Variants in CNTN4 observed in about 807,000 individuals in gnomAD.
CNTN4 encodes the protein contactin-4.
In CNTN4, 77 loss-of-function variants were observed where a neutral mutation model predicts 122.5. That is an observed-to-expected ratio of 0.63 (90% CI 0.52 to 0.76). The LOEUF is 0.76. Among genes scored for constraint, CNTN4 ranks in the 30% least tolerant of loss-of-function variants. The probability of loss-of-function intolerance (pLI) is 0.00; values close to 1 mark genes in which losing one functional copy is unlikely to be tolerated. For missense variants in CNTN4, 1,256 were observed against 1,259.1 expected (o/e 1.00, Z 0.04); for synonymous variants, 512 against 447.0 (o/e 1.15, Z -1.83).
chr3:2,953,545 T>A (rs1453757775), intron 13 of CNTN4, among the ~76,000 whole-genome samples: 3 of 152,050 alleles, frequency 2.0e-5, no homozygotes, highest in South Asian at 4.1e-4. Context: ...GCCTTTTTTG[T>A]ATATGTCCCT....
At chr3:2,334,990 C>T (rs1173267267) in intron 2 of CNTN4, among the ~76,000 whole-genome samples, 2 of 152,128 alleles carry the variant, frequency 1.3e-5, no homozygotes, top group Admixed American at 1.3e-4. Context: ...TCCTTTTTGA[C>T]CTAGACCTTG....
chr3:2,244,121 A>G (rs1325748839), intron 2 of CNTN4, among the ~76,000 whole-genome samples: 1 of 152,114 alleles, frequency 6.6e-6, no homozygotes, highest in African/African-American at 2.4e-5. Context: ...CTGTGCATAC[A>G]TACCTATGAT....
At chr3:2,854,654 T>A (rs1436766304) in intron 7 of CNTN4, among the ~76,000 whole-genome samples, 1 of 152,180 alleles carries the variant, frequency 6.6e-6, no homozygotes, top group Non-Finnish European at 1.5e-5. Context: ...GAATTTTAGA[T>A]CACAAGTTTA....
At chr3:2,836,884 CT>C (rs1343611081) in intron 7 of CNTN4, among the ~76,000 whole-genome samples, 1 of 152,036 alleles carries the variant, frequency 6.6e-6, no homozygotes, top group Non-Finnish European at 1.5e-5. Flanking sequence ...CCTGCATGTT[CT>C]GCACATGTAT....
intron 7 of CNTN4, among the ~76,000 whole-genome samples, chr3:2,862,150 A>G (rs2093677593): frequency 6.6e-6 from 1 of 152,252 alleles, no homozygotes; most frequent in African/African-American, 2.4e-5. Context: ...TAAGAAAGGC[A>G]TCTTTGAAAA....
chr3:2,836,006 A>G (rs1387084150), intron 7 of CNTN4, among the ~76,000 whole-genome samples: 1 of 152,168 alleles, frequency 6.6e-6, no homozygotes, highest in Non-Finnish European at 1.5e-5. Flanking sequence ...AACTAGAGAA[A>G]TACAAATAGG....
In CNTN4 at chr3:2,218,526, A is replaced by G. The variant is rs575152061; in HGVS notation, c.-145+117887A>G. Among the ~76,000 whole-genome samples, 14 of 152,272 alleles carry G rather than the reference A, an allele frequency of 9.2e-5. No individual in the cohort carries two copies. The South Asian group carries it at 2.9e-3, about 32-fold the overall frequency. On this transcript the variant is annotated intron_variant, in intron 2 of 24. Transcript: ENST00000418658. ...ATCCAACCTGGGCAATATAGTGAGA[A>G]TCCATATATTAAAAAATAAAAAAAA... is the stretch of plus-strand genomic sequence containing the variant.
At chr3:2,993,477 T>C (rs1025116515) in intron 14 of CNTN4, among the ~76,000 whole-genome samples, 6 of 151,606 alleles carry the variant, frequency 4.0e-5, no homozygotes, top group Admixed American at 3.9e-4. Context: ...TTTGTATTTT[T>C]TAGTAGAGAC....
intron 2 of CNTN4, among the ~76,000 whole-genome samples, chr3:2,170,297 GC>G (rs1353534637): frequency 2.0e-5 from 3 of 152,016 alleles, no homozygotes; most frequent in Admixed American, 1.3e-4. Flanking sequence ...TCCAGCCTGG[GC>G]GACACACCAA....
intron 3 of CNTN4, among the ~76,000 whole-genome samples, chr3:2,410,130 A>G (rs569960945): frequency 6.6e-6 from 1 of 152,234 alleles, no homozygotes; most frequent in South Asian, 2.1e-4. Context: ...ACATTTAATC[A>G]TTTTTCTTTA....
intron 3 of CNTN4, among the ~76,000 whole-genome samples, chr3:2,438,374 T>A (rs918181040): frequency 6.6e-6 from 1 of 152,028 alleles, no homozygotes; most frequent in African/African-American, 2.4e-5. Flanking sequence ...ATACAAAAAT[T>A]AGCCAGGCAT....
intron 3 of CNTN4, among the ~76,000 whole-genome samples, chr3:2,534,753 A>T (rs1156877616): frequency 1.4e-5 from 2 of 147,304 alleles, no homozygotes; most frequent in African/African-American, 5.0e-5. Flanking sequence ...CTGTCACCTT[A>T]GAAGTGGTCG....
At chr3:3,017,584 T>C (rs939302795) in intron 14 of CNTN4, among the ~76,000 whole-genome samples, 4 of 152,150 alleles carry the variant, frequency 2.6e-5, no homozygotes, top group Admixed American at 2.6e-4. Context: ...TAAAGGACAT[T>C]TACCTGTGGC....
intron 3 of CNTN4, among the ~76,000 whole-genome samples, chr3:2,366,250 T>A (rs965723853): frequency 2.0e-5 from 3 of 152,206 alleles, no homozygotes; most frequent in Non-Finnish European, 4.4e-5. Context: ...TTTCACGTTT[T>A]AATTAACTGA....
intron 3 of CNTN4, among the ~76,000 whole-genome samples, chr3:2,410,062 T>C (rs992859441): frequency 4.6e-5 from 7 of 152,228 alleles, no homozygotes; most frequent in African/African-American, 1.4e-4. Context: ...GCAGTTTCAT[T>C]TACCGATATT....
rs542526582 is a variant in CNTN4 at position 2,368,323 on chromosome 3, A to C, written c.-89+29090A>C. Among the ~76,000 whole-genome samples the C allele has an allele frequency of 1.0e-3, 157 of 151,914 alleles. 1 individual carries two copies. Among genetic ancestry groups the C allele is most frequent in the Non-Finnish European group, 1.5e-3 (103 of 67,972 alleles). ...CTGGGATTACAGGCGTGAGCCACAG[A>C]GCCTGGCCTCTTTTTTTGTTTTAAC... On this transcript the variant is annotated intron_variant, in intron 3 of 24. Coordinates refer to ENST00000418658, the MANE Select transcript of CNTN4 (RefSeq NM_175607.3).
At chr3:2,491,022 A>T (rs760384735) in intron 3 of CNTN4, among the ~76,000 whole-genome samples, 13 of 152,212 alleles carry the variant, frequency 8.5e-5, no homozygotes, top group Admixed American at 2.0e-4. Context: ...TAGGGGGGAA[A>T]AATCAGTCTT....
At position 2,762,028 on chromosome 3, in the gene CNTN4, G is replaced by A. The variant is rs570896952; in HGVS notation, c.358+16331G>A. On this transcript the variant is annotated intron_variant, in intron 6 of 24. Coordinates refer to ENST00000418658, the MANE Select transcript of CNTN4 (RefSeq NM_175607.3). Reference sequence around the variant, plus strand: ...TAGCAAGCAATGCGTTGGACACAGGGAATGCATCAATGAACTAGACAGATA... The same window carrying A: ...TAGCAAGCAATGCGTTGGACACAGGAAATGCATCAATGAACTAGACAGATA... Among the ~76,000 whole-genome samples, 87 of 152,220 alleles carry A rather than the reference G, an allele frequency of 5.7e-4. 1 individual carries two copies. Among genetic ancestry groups the A allele is most frequent in the African/African-American group, 2.0e-3 (83 of 41,526 alleles).
intron 6 of CNTN4, among the ~76,000 whole-genome samples, chr3:2,798,212 C>A (rs1436546599): frequency 6.6e-6 from 1 of 151,452 alleles, no homozygotes; most frequent in Non-Finnish European, 1.5e-5. Flanking sequence ...TAATGGCCTT[C>A]AGTTCCATCG....
Sources: allele counts gnomAD v4.1 joint callset (sites outside exome capture counted in the v4.1 genomes callset), GRCh38; gene constraint gnomAD v4.1.1; transcripts MANE v1.5; gene names NCBI Gene and HGNC (gene_info 2026-07-23, HGNC 2026-07-21).